The following HDAC8 variants were observed in gnomAD, a reference collection of about 807,000 sequenced individuals.
The protein encoded by HDAC8 is histone deacetylase 8.
A neutral mutation model predicts 32.2 loss-of-function variants in HDAC8; 1 was observed. The observed-to-expected ratio is 0.03, with a 90% confidence interval of 0.01 to 0.15. The LOEUF (loss-of-function observed/expected upper bound fraction) is 0.15. HDAC8 is among the 10% of genes least tolerant of loss of function. HDAC8 has a pLI of 1.00. For synonymous variants in HDAC8, 108 were observed against 113.9 expected (o/e 0.95, Z 0.33); for missense variants, 117 against 300.0 (o/e 0.39, Z 4.51).
At chrX:72,557,989 T>C (rs1371398976) in intron 4 of HDAC8, among the ~76,000 whole-genome samples, 1 of 111,206 alleles carries the variant, frequency 9.0e-6, no homozygotes. Flanking sequence ...CTAAAGGAGA[T>C]GGATAAATTC....
chrX:72,381,169 G>A (rs1302455139), intron 9 of HDAC8, among the ~76,000 whole-genome samples: 1 of 112,130 alleles, frequency 8.9e-6, no homozygotes, highest in Non-Finnish European at 1.9e-5. Flanking sequence ...TAATTCATAT[G>A]CATATTAAAC....
intron 4 of HDAC8, among the ~76,000 whole-genome samples, chrX:72,534,213 T>TA (rs2050442807): frequency 9.2e-6 from 1 of 109,033 alleles, no homozygotes; most frequent in African/African-American, 3.3e-5. Flanking sequence ...TTTATTTCTA[T>TA]ATAGTAGCAA....
chrX:72,491,435 A>AT (rs1556009635), intron 5 of HDAC8, among the ~76,000 whole-genome samples: 1 of 112,273 alleles, frequency 8.9e-6, no homozygotes, highest in African/African-American at 3.2e-5. Flanking sequence ...AAGTCTTGGG[A>AT]TTTTTTCCAA....
intron 9 of HDAC8, among the ~76,000 whole-genome samples, chrX:72,361,719 CAA>C (rs782483225): frequency 4.9e-5 from 4 of 81,877 alleles, no homozygotes; most frequent in Non-Finnish European, 2.5e-5. Context: ...AGCTGAGTAC[CAA>C]AAAAAAAAAA....
At chrX:72,563,521 G>A (rs2051658589) in intron 4 of HDAC8, among the ~76,000 whole-genome samples, 1 of 111,411 alleles carries the variant, frequency 9.0e-6, no homozygotes, top group African/African-American at 3.3e-5. Flanking sequence ...CAGCCTGGGC[G>A]ACAGAGCAAG....
At chrX:72,477,560 G>A (rs2048372042) in intron 7 of HDAC8, among the ~76,000 whole-genome samples, 1 of 111,908 alleles carries the variant, frequency 8.9e-6, no homozygotes, top group Non-Finnish European at 1.9e-5. Flanking sequence ...AGCACCTGGT[G>A]CAGCTCATCA....
chrX:72,488,880 T>G lies in HDAC8; in HGVS notation c.737+53A>C. 6.7e-6 allele frequency: 5 copies of G among 743,166 alleles called. No individual in the cohort carries two copies. The South Asian group carries it at 1.2e-4, about 18-fold the overall frequency. 61.2% of individuals were successfully genotyped at this position (743,166 alleles called of 1,213,427 possible). ...GTTTACATTGTGAGATGGGGGCCAT[T>G]TCATCCTACAGAACTGCAATCCACT... On this transcript the variant is annotated intron_variant, in intron 7 of 10. Coordinates refer to ENST00000373573, the MANE Select transcript of HDAC8 (RefSeq NM_018486.3).
intron 4 of HDAC8, among the ~76,000 whole-genome samples, chrX:72,561,094 T>C (rs1365673132): frequency 8.9e-6 from 1 of 111,850 alleles, no homozygotes; most frequent in Non-Finnish European, 1.9e-5. Flanking sequence ...ATGGGTAGAA[T>C]CAATATTGTG....
chrX:72,568,718 T>C (rs782501914), intron 3 of HDAC8, 36 bp downstream of exon 3: 1 of 1,199,050 alleles, frequency 8.3e-7, no homozygotes, highest in Non-Finnish European at 1.1e-6. Context: ...AAAATTAGTC[T>C]GTCCATCTCC....
intron 7 of HDAC8, among the ~76,000 whole-genome samples, chrX:72,475,730 C>A (rs1036765659): frequency 1.8e-5 from 2 of 110,305 alleles, no homozygotes; most frequent in African/African-American, 6.7e-5. Flanking sequence ...TAGCATCAAA[C>A]AAGCTGTACT....
intron 9 of HDAC8, among the ~76,000 whole-genome samples, chrX:72,352,521 C>T (rs1395629874): frequency 3.6e-5 from 4 of 111,370 alleles, no homozygotes; most frequent in Non-Finnish European, 3.8e-5. Context: ...AATCGCCCCA[C>T]ACTGGACTGT....
chrX:72,336,265 G>A lies in HDAC8; in HGVS notation c.1112-6189C>T, dbSNP rs782481449. Among the ~76,000 whole-genome samples the A allele has an allele frequency of 4.5e-4, 50 of 111,595 alleles. 1 individual carries two copies. In the South Asian group the frequency reaches 0.014, roughly 32 times the overall value. ...TCTCATTTTAATTTGCAATTCCTTA[G>A]TGACCATGATATTGGGCATCTTTTC... On this transcript the variant is annotated intron_variant, in intron 10 of 10. Transcript: ENST00000373573.
intron 4 of HDAC8, among the ~76,000 whole-genome samples, chrX:72,560,438 G>A (rs5912141): frequency 0.19 from 20,367 of 106,427 alleles, 1,760 homozygotes; most frequent in Non-Finnish European, 0.26. Context: ...AGGCCGCAGG[G>A]TCCTCTGCCT....
chrX:72,353,261 A>G lies in HDAC8; in HGVS notation c.1006-1423T>C, dbSNP rs905314545. ...TCCATGGAAGTAACTTGATTGGGAGATGGTTTTGCATATCCATGACAGAAA... is the reference window on the plus strand; with the variant it reads ...TCCATGGAAGTAACTTGATTGGGAGGTGGTTTTGCATATCCATGACAGAAA... On this transcript the variant is annotated intron_variant, in intron 9 of 10. Transcript: ENST00000373573. 3.6e-5 allele frequency among the ~76,000 whole-genome samples: 4 copies of G among 112,121 alleles called. No homozygotes were observed. In the Admixed American group the frequency reaches 3.8e-4, roughly 11 times the overall value.
At chrX:72,570,038 C>T (rs1473566732) in intron 2 of HDAC8, among the ~76,000 whole-genome samples, 2 of 112,015 alleles carry the variant, frequency 1.8e-5, no homozygotes, top group Non-Finnish European at 3.8e-5. Flanking sequence ...CATGAGTTTA[C>T]GATGAATGAA....
At chrX:72,446,846 T>C (rs782771019) in intron 9 of HDAC8, among the ~76,000 whole-genome samples, 1 of 110,359 alleles carries the variant, frequency 9.1e-6, no homozygotes, top group Admixed American at 9.6e-5. Context: ...AGAAAAAAAA[T>C]GGATAAATTC....
At chrX:72,390,619 G>A (rs1229573363) in intron 9 of HDAC8, among the ~76,000 whole-genome samples, 1 of 111,682 alleles carries the variant, frequency 9.0e-6, no homozygotes, top group Non-Finnish European at 1.9e-5. Context: ...CTGTGGCCTG[G>A]TATAGTGGCC....
At chrX:72,346,198 GGAAA>G (rs782276296) in intron 10 of HDAC8, among the ~76,000 whole-genome samples, 1 of 111,596 alleles carries the variant, frequency 9.0e-6, no homozygotes, top group Non-Finnish European at 1.9e-5. Flanking sequence ...GCAGGGGACA[GGAAA>G]GAGAGATAAA....
intron 10 of HDAC8, 96 bp downstream of exon 10, chrX:72,351,637 T>C (rs2044183174): frequency 1.8e-6 from 1 of 556,691 alleles, no homozygotes; most frequent in Admixed American, 3.3e-5. Flanking sequence ...ATGATTAGCT[T>C]ACCAAAAGGC....
Sources: gnomAD v4.1 joint callset for allele counts (sites outside exome capture counted in the v4.1 genomes callset) on GRCh38, gnomAD v4.1.1 for gene constraint, MANE v1.5 for transcripts, NCBI Gene and HGNC (gene_info 2026-07-23, HGNC 2026-07-21) for gene names.